ROBO2: variants seen among roughly 807,000 people sequenced by gnomAD.
ROBO2 encodes the protein roundabout homolog 2.
A neutral mutation model predicts 160.8 loss-of-function variants in ROBO2; 53 were observed. The ratio of observed to expected loss-of-function variants is 0.33; its 90% CI spans 0.26 to 0.41. ROBO2 has a LOEUF of 0.41. Among genes scored for constraint, ROBO2 ranks in the 10% least tolerant of loss-of-function variants. The probability of loss-of-function intolerance (pLI) is 1.00; values close to 1 mark genes in which losing one functional copy is unlikely to be tolerated. For missense variants in ROBO2, 1,577 were observed against 1,722.4 expected (o/e 0.92, Z 1.49); for synonymous variants, 664 against 611.7 (o/e 1.09, Z -1.26).
At chr3:76,186,050 C>T (rs772937297) in intron 2 of ROBO2, among the ~76,000 whole-genome samples, 4 of 151,372 alleles carry the variant, frequency 2.6e-5, no homozygotes, top group Middle Eastern at 3.4e-3. Flanking sequence ...CCTTCCACAT[C>T]GGCCTCCCAA....
chr3:76,003,363 A>G (rs1298834177), intron 2 of ROBO2, among the ~76,000 whole-genome samples: 1 of 152,176 alleles, frequency 6.6e-6, no homozygotes, highest in Admixed American at 6.5e-5. Flanking sequence ...TATCCAAGTG[A>G]TGTCAACAGG....
intron 2 of ROBO2, among the ~76,000 whole-genome samples, chr3:76,051,455 T>TA (rs2067650940): frequency 6.6e-6 from 1 of 152,190 alleles, no homozygotes; most frequent in South Asian, 2.1e-4. Flanking sequence ...TTGCAAAAAT[T>TA]ACTTTTAAGT....
intron 2 of ROBO2, among the ~76,000 whole-genome samples, chr3:76,104,626 G>C (rs545983133): frequency 1.4e-4 from 21 of 150,384 alleles, no homozygotes; most frequent in Admixed American, 2.6e-4. Context: ...TAGCAAGTAG[G>C]CTACTAAATA....
intron 2 of ROBO2, among the ~76,000 whole-genome samples, chr3:76,950,198 T>G (rs190238346): frequency 2.0e-5 from 3 of 152,212 alleles, no homozygotes; most frequent in Non-Finnish European, 2.9e-5. Context: ...ATTTTTCATG[T>G]CAATATTTGT....
chr3:76,970,977 A>G (rs1292339339), intron 2 of ROBO2, among the ~76,000 whole-genome samples: 1 of 152,218 alleles, frequency 6.6e-6, no homozygotes, highest in Admixed American at 6.6e-5. Flanking sequence ...AGGAGCTTCG[A>G]TTAATATTAC....
chr3:76,592,189 G>T, intron 2 of ROBO2, among the ~76,000 whole-genome samples: 1 of 152,170 alleles, frequency 6.6e-6, no homozygotes, highest in Middle Eastern at 3.4e-3. Flanking sequence ...ATTAAAACGT[G>T]CTTTGCAAGA....
At chr3:76,823,685 A>G (rs957550990) in intron 2 of ROBO2, among the ~76,000 whole-genome samples, 7 of 152,200 alleles carry the variant, frequency 4.6e-5, no homozygotes, top group Admixed American at 4.6e-4. Context: ...CCAGGCAAAG[A>G]GAATAGCAAA....
chr3:77,259,013 T>C (rs1000265251), intron 2 of ROBO2, among the ~76,000 whole-genome samples: 6 of 152,220 alleles, frequency 3.9e-5, no homozygotes, highest in Admixed American at 3.9e-4. Flanking sequence ...AGTTCTCTTT[T>C]CCTGGATTGT....
intron 2 of ROBO2, among the ~76,000 whole-genome samples, chr3:76,633,313 G>T (rs1022440214): frequency 1.3e-5 from 2 of 152,078 alleles, no homozygotes; most frequent in Admixed American, 1.3e-4. Flanking sequence ...AGGCAAGCAA[G>T]TACTTGAGAG....
intron 2 of ROBO2, among the ~76,000 whole-genome samples, chr3:76,844,540 C>T (rs929855041): frequency 5.9e-5 from 9 of 151,830 alleles, no homozygotes; most frequent in African/African-American, 1.9e-4. Flanking sequence ...GTACTTGAGC[C>T]TCTATATTTA....
chr3:77,125,134 A>G (rs557154703), intron 2 of ROBO2, among the ~76,000 whole-genome samples: 1 of 152,298 alleles, frequency 6.6e-6, no homozygotes, highest in East Asian at 1.9e-4. Context: ...TTTTAGATAC[A>G]AGCTTTCTTT....
intron 5 of ROBO2, among the ~76,000 whole-genome samples, chr3:77,521,574 T>G (rs1224316076): frequency 6.6e-6 from 1 of 151,262 alleles, no homozygotes; most frequent in Non-Finnish European, 1.5e-5. Flanking sequence ...TAAGCAGAAT[T>G]TTAAGGCAAA....
chr3:75,965,301 C>T (rs987987376), intron 2 of ROBO2, among the ~76,000 whole-genome samples: 22 of 151,776 alleles, frequency 1.4e-4, no homozygotes, highest in Non-Finnish European at 3.1e-4. Flanking sequence ...GAAGAGGCTA[C>T]TGCTACAAGT....
intron 2 of ROBO2, among the ~76,000 whole-genome samples, chr3:77,123,937 CTTGT>C (rs1413862379): frequency 8.0e-4 from 105 of 130,680 alleles, no homozygotes; most frequent in Non-Finnish European, 1.4e-3. Flanking sequence ...TATAGATACA[CTTGT>C]ATCTATATAG....
At chr3:76,103,115 G>A (rs1297627348) in intron 2 of ROBO2, among the ~76,000 whole-genome samples, 1 of 152,264 alleles carries the variant, frequency 6.6e-6, no homozygotes, top group Non-Finnish European at 1.5e-5. Context: ...GAGCCACCAC[G>A]CCCGGCCAGA....
chr3:76,447,822 C>T (rs952092520), intron 2 of ROBO2, among the ~76,000 whole-genome samples: 15 of 140,698 alleles, frequency 1.1e-4, no homozygotes, highest in Non-Finnish European at 1.8e-4. Context: ...TTTTCTCACT[C>T]ATAGGTGGGA....
At chr3:76,545,569 A>T (rs1011312330) in intron 2 of ROBO2, among the ~76,000 whole-genome samples, 1 of 151,880 alleles carries the variant, frequency 6.6e-6, no homozygotes, top group Non-Finnish European at 1.5e-5. Flanking sequence ...AACATTGTTA[A>T]TTTTTTATGT....
chr3:77,417,378 A>G (rs2077339972), intron 2 of ROBO2, among the ~76,000 whole-genome samples: 1 of 152,138 alleles, frequency 6.6e-6, no homozygotes, highest in Non-Finnish European at 1.5e-5. Flanking sequence ...GGTTAGGAGG[A>G]TGTGATTAAG....
intron 2 of ROBO2, among the ~76,000 whole-genome samples, chr3:77,414,031 C>G (rs1015837494): frequency 6.6e-6 from 1 of 151,694 alleles, no homozygotes; most frequent in East Asian, 1.9e-4. Flanking sequence ...CAAGACTGAG[C>G]TTTGGATCAG....
Sources: gnomAD v4.1 joint callset for allele counts (sites outside exome capture counted in the v4.1 genomes callset) on GRCh38, gnomAD v4.1.1 for gene constraint, MANE v1.5 for transcripts, NCBI Gene and HGNC (gene_info 2026-07-23, HGNC 2026-07-21) for gene names.